The following GLIS1 variants were observed in gnomAD, a reference collection of about 807,000 sequenced individuals.
GLIS1 encodes zinc finger protein GLIS1.
GLIS1 carries 24 observed loss-of-function variants against 63.8 expected under a neutral mutation model. The ratio of observed to expected loss-of-function variants is 0.38; its 90% CI spans 0.27 to 0.53. GLIS1 has a LOEUF of 0.53. GLIS1 is among the 20% of genes least tolerant of loss of function. The probability of loss-of-function intolerance (pLI) is 0.85; values close to 1 mark genes in which losing one functional copy is unlikely to be tolerated. For missense variants in GLIS1, 1,036 were observed against 1,074.1 expected (o/e 0.96, Z 0.50); for synonymous variants, 450 against 482.5 (o/e 0.93, Z 0.88).
At chr1:53,601,928 C>T (rs565994956) in intron 2 of GLIS1, among the ~76,000 whole-genome samples, 2 of 152,322 alleles carry the variant, frequency 1.3e-5, no homozygotes, top group South Asian at 4.1e-4. Context: ...CAGGCATTTG[C>T]TTGCCGAGCA....
intron 2 of GLIS1, among the ~76,000 whole-genome samples, chr1:53,696,021 G>C (rs1035369758): frequency 2.6e-5 from 4 of 152,190 alleles, no homozygotes; most frequent in African/African-American, 7.2e-5. Flanking sequence ...TGCACTCCAA[G>C]TCCAGAAATG....
At position 53,574,451 on chromosome 1, in the gene GLIS1, T is replaced by C. The variant is rs961881905; in HGVS notation, c.1320+19657A>G. ...AAGCAGCAGGGCCTCCCACGCAGTC[T>C]CCCCTGGGAGATTACCTGTATACTA... On this transcript the variant is annotated intron_variant, in intron 4 of 10. Coordinates refer to ENST00000628545, the MANE Select transcript of GLIS1 (RefSeq NM_001367484.1). The surrounding 1 kb of genome is among the most constrained non-coding windows in gnomAD (Gnocchi z 4.2). Among the ~76,000 whole-genome samples the C allele has an allele frequency of 2.0e-5, 3 of 152,132 alleles. No homozygotes were observed. Among genetic ancestry groups the C allele is most frequent in the Non-Finnish European group, 4.4e-5 (3 of 68,038 alleles).
intron 2 of GLIS1, among the ~76,000 whole-genome samples, chr1:53,647,782 T>G (rs1026096963): frequency 6.6e-6 from 1 of 151,972 alleles, no homozygotes; most frequent in South Asian, 2.1e-4. Flanking sequence ...AAGACATCAT[T>G]AAGAGAGAAA....
At chr1:53,544,427 A>C (rs1392157329) in intron 4 of GLIS1, among the ~76,000 whole-genome samples, 1 of 152,136 alleles carries the variant, frequency 6.6e-6, no homozygotes, top group East Asian at 1.9e-4. Context: ...GTACATGTGC[A>C]TCCTGCCACT....
rs757703221 is a variant in GLIS1 at position 53,594,721 on chromosome 1, C to A, written c.707G>T (p.Ser236Ile). 2.6e-6 allele frequency: 4 copies of A among 1,564,768 alleles called. No homozygotes were observed. In the South Asian group the frequency reaches 4.8e-5, roughly 19 times the overall value. ...LQPETHLPEG[S>I]LKRCCVLGLP... Reference sequence around the variant, plus strand: ...GCCCAAGACGCAGCACCGCTTCAGGCTGCCCTCGGGGAGGTGGGTCTCGGG... The same window carrying A: ...GCCCAAGACGCAGCACCGCTTCAGGATGCCCTCGGGGAGGTGGGTCTCGGG... The change falls in exon 4 of 11, where the codon AGC (serine) becomes ATC (isoleucine). Residue 236 changes from serine (S) to isoleucine (I), a missense_variant. By Grantham distance (142) the Ser-to-Ile change is moderately radical (BLOSUM62 -2). This residue lies in a region of GLIS1 where 592 missense variants were observed against 593.9 expected (regional missense o/e 1.00). Transcript: ENST00000628545.
intron 2 of GLIS1, among the ~76,000 whole-genome samples, chr1:53,703,578 A>G (rs1557531102): frequency 6.6e-6 from 1 of 151,474 alleles, no homozygotes; most frequent in Non-Finnish European, 1.5e-5. Flanking sequence ...TTTCAAGGCT[A>G]CAGTGAGCTA....
At chr1:53,705,220 G>A (rs74088212) in intron 2 of GLIS1, among the ~76,000 whole-genome samples, 1 of 152,232 alleles carries the variant, frequency 6.6e-6, no homozygotes, top group African/African-American at 2.4e-5. Flanking sequence ...CAATGACACT[G>A]AGCCCTGGGA....
intron 4 of GLIS1, among the ~76,000 whole-genome samples, chr1:53,552,264 T>G (rs910037646): frequency 2.6e-5 from 4 of 151,886 alleles, no homozygotes; most frequent in African/African-American, 9.7e-5. Flanking sequence ...AGGTGGAAAG[T>G]GTGTCCCGGT....
chr1:53,537,406 C>G (rs543830556), intron 4 of GLIS1, among the ~76,000 whole-genome samples: 1 of 152,346 alleles, frequency 6.6e-6, no homozygotes, highest in East Asian at 1.9e-4. Context: ...TGGGGAAGAA[C>G]CAAGGGCCCT....
At position 53,639,853 on chromosome 1, in the gene GLIS1, A is replaced by G. The variant is rs947732805; in HGVS notation, c.260-39575T>C. 6.6e-6 allele frequency among the ~76,000 whole-genome samples: 1 copy of G among 152,152 alleles called. No individual in the cohort carries two copies. The highest frequency in any genetic ancestry group is 2.4e-5 in the African/African-American group (1 of 41,430). On this transcript the variant is annotated intron_variant, in intron 2 of 10. Coordinates refer to ENST00000628545, the MANE Select transcript of GLIS1 (RefSeq NM_001367484.1). This position sits in a 1 kb window ranked among gnomAD's most constrained non-coding sequence, Gnocchi z 4.6. The stretch of plus-strand genomic sequence containing the variant: ...CTTTGCCACTGAGGAAAGTAGGCAA[A>G]TGTGGATGTTGTTTAAAAGCTGTGG...
chr1:53,575,357 C>CG (rs1293314427), intron 4 of GLIS1, among the ~76,000 whole-genome samples: 2 of 152,190 alleles, frequency 1.3e-5, no homozygotes, highest in East Asian at 3.9e-4. Flanking sequence ...CCCCCATCAC[C>CG]GGGCCCCTGC....
chr1:53,635,363 C>T (rs1001469012), intron 2 of GLIS1, among the ~76,000 whole-genome samples: 3 of 151,718 alleles, frequency 2.0e-5, no homozygotes, highest in Non-Finnish European at 4.4e-5. Context: ...GGCCTACAAC[C>T]GGAATCAAAA....
intron 2 of GLIS1, among the ~76,000 whole-genome samples, chr1:53,618,624 C>T (rs1645507493): frequency 6.6e-6 from 1 of 152,184 alleles, no homozygotes; most frequent in Admixed American, 6.5e-5. Flanking sequence ...CCACACAGGA[C>T]CACATTGCCC....
Position 53,604,054 on chromosome 1 carries a change from C to A in GLIS1, c.260-3776G>T, listed in dbSNP as rs376508162. 2.0e-5 allele frequency among the ~76,000 whole-genome samples: 3 copies of A among 152,210 alleles called. No homozygotes were observed. In the East Asian group the frequency reaches 5.8e-4, roughly 29 times the overall value. Reference sequence around the variant, plus strand: ...TCTTATCTGTAAAATGGTGCTAACACCTAACCCACAACGTTGAGGTGACAA... The same window carrying A: ...TCTTATCTGTAAAATGGTGCTAACAACTAACCCACAACGTTGAGGTGACAA... On this transcript the variant is annotated intron_variant, in intron 2 of 10. Transcript: ENST00000628545.
intron 2 of GLIS1, among the ~76,000 whole-genome samples, chr1:53,638,056 G>C (rs983186965): frequency 5.3e-5 from 8 of 152,244 alleles, no homozygotes; most frequent in Admixed American, 2.6e-4. Flanking sequence ...GAGGGAGCCA[G>C]TATCCCATCT....
chr1:53,678,350 G>A lies in GLIS1; in HGVS notation c.259+59456C>T, dbSNP rs200434073. Among the ~76,000 whole-genome samples the A allele has an allele frequency of 7.5e-5, 11 of 147,588 alleles. No individual in the cohort carries two copies. The East Asian group carries it at 1.6e-3, about 22-fold the overall frequency. ...GTGAGGGGGGGGGGGTGGGGGGCAG[G>A]GGGGAGCGGGGTCACTGCCTCAGAA... On this transcript the variant is annotated intron_variant, in intron 2 of 10. Coordinates refer to ENST00000628545, the MANE Select transcript of GLIS1 (RefSeq NM_001367484.1).
chr1:53,612,430 C>T (rs1275453968), intron 2 of GLIS1, among the ~76,000 whole-genome samples: 1 of 151,988 alleles, frequency 6.6e-6, no homozygotes, highest in African/African-American at 2.4e-5. Context: ...TTAGTAGAGA[C>T]GGGGTTTCAC....
At chr1:53,614,638 G>T (rs1351380316) in intron 2 of GLIS1, among the ~76,000 whole-genome samples, 1 of 152,200 alleles carries the variant, frequency 6.6e-6, no homozygotes, top group African/African-American at 2.4e-5. Flanking sequence ...AGAAAGAAAA[G>T]CGTAGATGCA....
At chr1:53,673,147 C>T (rs918671095) in intron 2 of GLIS1, among the ~76,000 whole-genome samples, 9 of 152,206 alleles carry the variant, frequency 5.9e-5, no homozygotes, top group Non-Finnish European at 1.0e-4. Flanking sequence ...CTTCATTTCC[C>T]GAGCCCACAC....
Sources: gnomAD v4.1 joint callset for allele counts (sites outside exome capture counted in the v4.1 genomes callset) on GRCh38, gnomAD v4.1.1 for gene constraint, gnomAD v4.1.1 regional missense constraint, Gnocchi (gnomAD v3.1) non-coding constraint, MANE v1.5 for transcripts, NCBI Gene and HGNC (gene_info 2026-07-23, HGNC 2026-07-21) for gene names.